Variants in REV1 observed in about 807,000 individuals in gnomAD.
The protein encoded by REV1 is translesion synthesis protein REV1.
REV1 carries 42 observed loss-of-function variants against 137.4 expected under a neutral mutation model. That is an observed-to-expected ratio of 0.31 (90% CI 0.24 to 0.40). The LOEUF is 0.40. Among genes scored for constraint, REV1 ranks in the 10% least tolerant of loss-of-function variants. The pLI, the probability that REV1 is intolerant of heterozygous loss-of-function variation, is 1.00. For missense variants in REV1, 1,282 were observed against 1,490.1 expected (o/e 0.86, Z 2.30); for synonymous variants, 524 against 519.2 (o/e 1.01, Z -0.12).
intron 2 of REV1, among the ~76,000 whole-genome samples, chr2:99,464,041 G>A (rs1684538117): frequency 6.6e-6 from 1 of 152,138 alleles, no homozygotes. Context: ...CTACACATGG[G>A]AAAGAATACA....
chr2:99,424,307 G>C (rs1679060410), intron 9 of REV1, 27 bp from the exon 10 acceptor site: 1 of 1,600,018 alleles, frequency 6.2e-7, no homozygotes, highest in Non-Finnish European at 8.5e-7. Context: ...ACACAATGGA[G>C]GTTATTCTAG....
At chr2:99,427,517 T>C (rs1200142611) in intron 9 of REV1, among the ~76,000 whole-genome samples, 1 of 152,226 alleles carries the variant, frequency 6.6e-6, no homozygotes, top group African/African-American at 2.4e-5. Context: ...GGCCCCATTA[T>C]TAAGCTATGT....
At chr2:99,412,191 C>T (rs1677252843) in intron 13 of REV1, among the ~76,000 whole-genome samples, 1 of 148,408 alleles carries the variant, frequency 6.7e-6, no homozygotes, top group South Asian at 2.2e-4. Flanking sequence ...CGAGACTGCG[C>T]CACTGCACTC....
Position 99,439,327 on chromosome 2 carries a change from T to A in REV1, c.504-17A>T, listed in dbSNP as rs540504120. On this transcript the variant is annotated splice_polypyrimidine_tract_variant and intron_variant, in intron 5 of 22. Transcript: ENST00000258428. ...ATGTGATTTCTAAAGCAGGAAAAAA[T>A]TTTTGAGTTAATAATATCTGACTTT... 168 of 1,565,936 alleles carry A rather than the reference T, an allele frequency of 1.1e-4. No individual in the cohort carries two copies. The highest frequency in any genetic ancestry group is 7.6e-4 in the African/African-American group (56 of 73,360).
Position 99,442,185 on chromosome 2 carries a change from G to A in REV1, c.503+132C>T. On this transcript the variant is annotated intron_variant, in intron 5 of 22. Transcript: ENST00000258428. The stretch of plus-strand genomic sequence containing the variant: ...GAGAATCACTTGAACCTGGGAGGCA[G>A]AGGTTGCAATGAGCCGAGATCATAC... 1.2e-5 allele frequency: 9 copies of A among 753,986 alleles called. No individual in the cohort carries two copies. In the South Asian group the frequency reaches 1.7e-4, roughly 15 times the overall value. The allele number at this position is 753,986 out of a possible 1,614,324, so 46.7% of individuals were successfully genotyped here. A position where few individuals can be genotyped will look rare whatever the true frequency, so the allele number is the denominator to read the frequency against.
rs749441577 is a variant in REV1 at position 99,429,946 on chromosome 2, C to A, written c.1441G>T (p.Asp481Tyr). Residue 481 changes from aspartate (D) to tyrosine (Y), a missense_variant and splice_region_variant, in exon 9 of 23, where the codon GAT becomes TAT. Asp to Tyr is a radical substitution (Grantham distance 160, BLOSUM62 -3). Transcript: ENST00000258428. ...TCCCACAATGATGAATCTGGTATAT[C>A]TGCTTTAAAAATAAAAAAAAATTAA... is the stretch of plus-strand genomic sequence containing the variant. ...QNKILKGKAA[D>Y]IPDSSLWENP... The A allele has an allele frequency of 3.8e-5, 59 of 1,564,866 alleles. No individual in the cohort carries two copies. In the East Asian group the frequency reaches 1.3e-3, roughly 34 times the overall value.
chr2:99,447,719 T>C (rs1049498428), intron 4 of REV1, among the ~76,000 whole-genome samples: 13 of 151,800 alleles, frequency 8.6e-5, no homozygotes, highest in African/African-American at 1.9e-4. Flanking sequence ...GCATAAAGTT[T>C]TTTTTTTTTT....
intron 11 of REV1, among the ~76,000 whole-genome samples, chr2:99,419,413 T>G (rs1678361797): frequency 6.6e-6 from 1 of 151,828 alleles, no homozygotes. Context: ...GGTTTCACCA[T>G]GTTAGCCAGG....
At chr2:99,444,756 GAT>G (rs147821016) in intron 4 of REV1, among the ~76,000 whole-genome samples, 119 of 152,200 alleles carry the variant, frequency 7.8e-4, no homozygotes, top group African/African-American at 2.9e-3. Context: ...TCTATCTATA[GAT>G]ATATAGACAG....
At chr2:99,416,954 A>G (rs1016487520) in intron 12 of REV1, among the ~76,000 whole-genome samples, 1 of 148,686 alleles carries the variant, frequency 6.7e-6, no homozygotes, top group Non-Finnish European at 1.5e-5. Flanking sequence ...CTTTCCAGCC[A>G]GGAAGCAAAT....
intron 5 of REV1, among the ~76,000 whole-genome samples, chr2:99,440,030 A>AGG (rs1681281267): frequency 6.6e-6 from 1 of 152,222 alleles, no homozygotes; most frequent in African/African-American, 2.4e-5. Flanking sequence ...TAGAAAAATA[A>AGG]GGACGCTTGC....
At chr2:99,412,611 G>A (rs1359894828) in intron 13 of REV1, 120 bp downstream of exon 13, 1 of 763,388 alleles carries the variant, frequency 1.3e-6, no homozygotes. Context: ...AGGCTCTGGG[G>A]ATACAACAGT....
intron 1 of REV1, among the ~76,000 whole-genome samples, chr2:99,471,889 T>TA (rs947603744): frequency 0.024 from 2,276 of 93,334 alleles, 33 homozygotes; most frequent in African/African-American, 0.041. Context: ...TAGCTACTAT[T>TA]AAAAAAAAAA....
chr2:99,429,610 CCTA>C (rs1043479256), intron 9 of REV1, among the ~76,000 whole-genome samples: 1 of 151,924 alleles, frequency 6.6e-6, no homozygotes, highest in African/African-American at 2.4e-5. Context: ...TCTTTTGGTT[CCTA>C]CTACATGACC....
intron 1 of REV1, among the ~76,000 whole-genome samples, chr2:99,473,579 T>A (rs1464500327): frequency 6.6e-6 from 1 of 152,188 alleles, no homozygotes; most frequent in African/African-American, 2.4e-5. Flanking sequence ...TATACAAGTC[T>A]AAGATATTTA....
At chr2:99,489,500 T>C (rs1259514157) in intron 1 of REV1, among the ~76,000 whole-genome samples, 1 of 119,946 alleles carries the variant, frequency 8.3e-6, no homozygotes, top group South Asian at 2.8e-4. Flanking sequence ...GAAGGGCCGC[T>C]GCGCCAGGGG....
chr2:99,403,868 C>CT, intron 18 of REV1, 53 bp from the exon 19 acceptor site: 1 of 1,593,372 alleles, frequency 6.3e-7, no homozygotes, highest in South Asian at 1.1e-5. Flanking sequence ...TAGATGGTAG[C>CT]TGGTTTCTCT....
intron 19 of REV1, 129 bp downstream of exon 19, chr2:99,403,563 ATAT>A (rs1483862609): frequency 9.0e-7 from 1 of 1,110,840 alleles, no homozygotes; most frequent in East Asian, 2.4e-5. Context: ...TATACTTCAG[ATAT>A]TATCCCAATA....
intron 1 of REV1, among the ~76,000 whole-genome samples, chr2:99,478,213 C>A (rs1002960034): frequency 2.0e-5 from 3 of 152,182 alleles, no homozygotes; most frequent in Admixed American, 2.0e-4. Flanking sequence ...CTGGCCAACA[C>A]TGAGACTCTG....
Sources: allele counts gnomAD v4.1 joint callset (sites outside exome capture counted in the v4.1 genomes callset), GRCh38; gene constraint gnomAD v4.1.1; transcripts MANE v1.5; gene names NCBI Gene and HGNC (gene_info 2026-07-23, HGNC 2026-07-21).